PIGN: variants seen among roughly 807,000 people sequenced by gnomAD.
PIGN encodes the protein GPI ethanolamine phosphate transferase 1.
Under a neutral mutation model 125.4 loss-of-function variants are expected in PIGN, and 117 were observed. The observed-to-expected ratio is 0.93, with a 90% CI of 0.80 to 1.09. The LOEUF (loss-of-function observed/expected upper bound fraction) is 1.09. PIGN is among the 50% of genes least tolerant of loss of function. The pLI is 0.00. For synonymous variants in PIGN, 392 were observed against 377.8 expected, an observed-to-expected ratio of 1.04 and a Z score of -0.44; for missense variants, 1,075 against 1,094.9, an observed-to-expected ratio of 0.98 and a Z score of 0.26.
chr18:62,022,988 G>C (rs910227538), intron 23 of PIGN, among the ~76,000 whole-genome samples: 1 of 152,158 alleles, frequency 6.6e-6, no homozygotes, highest in Non-Finnish European at 1.5e-5. Context: ...TATGTAAATA[G>C]ATGTTCTACT....
In PIGN at chr18:62,177,636, G is replaced by A. The variant is rs138595304; in HGVS notation, c.-236+9208C>T. On this transcript the variant is annotated intron_variant, in intron 1 of 30. Transcript: ENST00000640252. ...AAATTTATATTTCGAATATTATAAT[G>A]CAGTAATTCTAGAAATCAGATTCCA... Among the ~76,000 whole-genome samples the A allele has an allele frequency of 3.5e-3, 525 of 152,100 alleles. 3 individuals carry two copies. Among genetic ancestry groups the A allele is most frequent in the African/African-American group, 0.012 (499 of 41,478 alleles).
chr18:62,118,563 G>A (rs963869954), intron 14 of PIGN: 10 of 152,184 alleles, frequency 6.6e-5, no homozygotes, highest in Non-Finnish European at 1.3e-4. Flanking sequence ...GCTGCTGCCA[G>A]GAAGTAGAGA....
At chr18:62,065,501 G>A (rs1422023949) in intron 30 of PIGN, among the ~76,000 whole-genome samples, 1 of 152,170 alleles carries the variant, frequency 6.6e-6, no homozygotes, top group Non-Finnish European at 1.5e-5. Context: ...CACTTTGGGA[G>A]GCCGAGGCGG....
Position 62,146,008 on chromosome 18 carries a change from G to A in PIGN, c.823C>T (p.His275Tyr), listed in dbSNP as rs778855868. 3 of 1,577,474 alleles carry A rather than the reference G, an allele frequency of 1.9e-6. No individual in the cohort carries two copies. Among genetic ancestry groups the A allele is most frequent in the Admixed American group, 3.5e-5 (2 of 56,684 alleles). ...AAAGGAGTTAAAGTCTCTGAAGGAT[G>A]ACCAGCCCCATGGGAACCTACAAAT... ...MTDWGSHGAG[H>Y]PSETLTPLVT... The change falls in exon 10 of 31, where the codon CAT becomes TAT. Residue 275 changes from histidine to tyrosine, a missense_variant. This residue lies in a region of PIGN where 915 missense variants were observed against 908.7 expected (regional missense o/e 1.01). Transcript: ENST00000640252.
chr18:62,150,303 A>G (rs1313174619), intron 7 of PIGN, among the ~76,000 whole-genome samples: 1 of 152,128 alleles, frequency 6.6e-6, no homozygotes, highest in East Asian at 1.9e-4. Context: ...GTTTAAAGTT[A>G]ACAGTGTGAA....
chr18:62,098,415 G>A (rs564097894), intron 22 of PIGN, among the ~76,000 whole-genome samples: 4 of 152,160 alleles, frequency 2.6e-5, no homozygotes, highest in South Asian at 2.1e-4. Flanking sequence ...TTGGACATAC[G>A]GTGGTTGTTA....
At chr18:62,046,066 G>C (rs2030656506) in intron 30 of PIGN, 87 bp from the exon 31 acceptor site, 9 of 1,365,596 alleles carry the variant, frequency 6.6e-6, no homozygotes, top group Non-Finnish European at 9.1e-6. Context: ...TAAATGGACA[G>C]ATGAAAATCT....
At chr18:62,179,451 A>G (rs930560878) in intron 1 of PIGN, among the ~76,000 whole-genome samples, 7 of 152,242 alleles carry the variant, frequency 4.6e-5, no homozygotes, top group African/African-American at 1.7e-4. Context: ...TGTAATTAAA[A>G]GCCATCTGTC....
At chr18:62,046,429 G>C (rs891873725) in intron 30 of PIGN, among the ~76,000 whole-genome samples, 7 of 131,360 alleles carry the variant, frequency 5.3e-5, no homozygotes, top group African/African-American at 1.9e-4. Flanking sequence ...ATCAGCGGCA[G>C]CATTAGATTC....
Position 62,045,972 on chromosome 18 carries a change from G to T in PIGN, c.2680C>A (p.His894Asn). The T allele has an allele frequency of 6.2e-7, 1 of 1,612,436 alleles. No individual in the cohort carries two copies. The highest frequency in any genetic ancestry group is 8.5e-7 in the Non-Finnish European group (1 of 1,179,130). ...GTCATGGACATGACAATCACATAGT[G>T]GCTGATGCTGCAAAAGGAGAAAAAG... is the stretch of plus-strand genomic sequence containing the variant. ...SWLDIGTSIS[H>N]YVIVMSMTIF... The change falls in exon 31 of 31, where the codon CAC becomes AAC. Residue 894 changes from histidine (H) to asparagine (N), a missense_variant. His to Asn is a moderately conservative substitution (Grantham distance 68). This residue lies in a region of PIGN where 915 missense variants were observed against 908.7 expected (regional missense o/e 1.01). Transcript: ENST00000640252.
At chr18:62,125,814 A>T (rs1026226230) in intron 14 of PIGN, among the ~76,000 whole-genome samples, 2 of 152,120 alleles carry the variant, frequency 1.3e-5, no homozygotes, top group Non-Finnish European at 2.9e-5. Flanking sequence ...TTAAAATGGG[A>T]TGTTAAAGTT....
chr18:62,078,912 A>C (rs1207392742), intron 28 of PIGN, among the ~76,000 whole-genome samples: 2 of 152,166 alleles, frequency 1.3e-5, no homozygotes, highest in East Asian at 3.9e-4. Flanking sequence ...TTGTCTTCCT[A>C]AAGTTATTAT....
At chr18:62,118,788 GAA>G (rs2035183023) in intron 14 of PIGN, 1 of 150,604 alleles carries the variant, frequency 6.6e-6, no homozygotes, top group African/African-American at 2.4e-5. Flanking sequence ...AAGAGTGAGA[GAA>G]AGAGCTTTTA....
intron 4 of PIGN, among the ~76,000 whole-genome samples, chr18:62,159,955 T>C (rs946330860): frequency 1.3e-5 from 2 of 151,962 alleles, no homozygotes; most frequent in South Asian, 2.1e-4. Context: ...CTACCAAAAA[T>C]ACAAAAAATT....
At chr18:62,106,067 C>T (rs2034627095) in intron 19 of PIGN, among the ~76,000 whole-genome samples, 1 of 152,076 alleles carries the variant, frequency 6.6e-6, no homozygotes. Context: ...TTGATGAAGA[C>T]ATCTATAAAA....
At chr18:62,146,825 T>G (rs898415556) in intron 9 of PIGN, 146 bp downstream of exon 9, 1 of 707,876 alleles carries the variant, frequency 1.4e-6, no homozygotes, top group African/African-American at 1.8e-5. Flanking sequence ...AGTTGTTTTT[T>G]AGGCTAACAT....
chr18:62,155,694 T>A (rs549505948), intron 6 of PIGN, among the ~76,000 whole-genome samples: 2 of 152,256 alleles, frequency 1.3e-5, no homozygotes, highest in South Asian at 2.1e-4. Context: ...AATAAAAAGG[T>A]CTGACTGGGT....
chr18:62,035,373 C>G (rs548855611), intron 23 of PIGN, among the ~76,000 whole-genome samples: 23 of 152,254 alleles, frequency 1.5e-4, no homozygotes, highest in African/African-American at 5.5e-4. Flanking sequence ...GACCTTGAAC[C>G]AATGCCTTGA....
Position 62,151,804 on chromosome 18 carries a change from A to G in PIGN, c.549+2741T>C, listed in dbSNP as rs2036545976. On this transcript the variant is annotated intron_variant, in intron 7 of 30. Coordinates refer to ENST00000640252, the MANE Select transcript of PIGN (RefSeq NM_176787.5). ...AGAATTGAGGTTGCTGCAGATCCTTACAGATTTGTTGCCGGTAATTCAGAT... is the reference window on the plus strand; with the variant it reads ...AGAATTGAGGTTGCTGCAGATCCTTGCAGATTTGTTGCCGGTAATTCAGAT... Among the ~76,000 whole-genome samples the G allele has an allele frequency of 1.3e-5, 2 of 152,236 alleles. 1 individual carries two copies. The highest frequency in any genetic ancestry group is 4.1e-4 in the South Asian group (2 of 4,832).
Sources: gnomAD v4.1 joint callset for allele counts (sites outside exome capture counted in the v4.1 genomes callset) on GRCh38, gnomAD v4.1.1 for gene constraint, gnomAD v4.1.1 regional missense constraint, MANE v1.5 for transcripts, NCBI Gene and HGNC (gene_info 2026-07-23, HGNC 2026-07-21) for gene names.